CLSTN2: variants seen among roughly 807,000 people sequenced by gnomAD.
The protein encoded by CLSTN2 is calsyntenin 2.
Under a neutral mutation model 101.2 loss-of-function variants are expected in CLSTN2, and 48 were observed. The observed-to-expected ratio is 0.47, with a 90% confidence interval of 0.38 to 0.60. The LOEUF is 0.60. CLSTN2 is among the 20% of genes least tolerant of loss of function. The pLI is 0.00. For missense variants in CLSTN2, 1,160 were observed against 1,238.2 expected (o/e 0.94, Z 0.95); for synonymous variants, 481 against 463.6 (o/e 1.04, Z -0.48).
At chr3:140,555,097 A>G (rs113037814) in intron 10 of CLSTN2, among the ~76,000 whole-genome samples, 3,776 of 152,206 alleles carry the variant, frequency 0.025, 73 homozygotes, top group Non-Finnish European at 0.036. Flanking sequence ...TCTGATCCAT[A>G]CCTCCCTCAC....
At chr3:140,022,427 T>C (rs188610008) in intron 1 of CLSTN2, among the ~76,000 whole-genome samples, 1 of 152,306 alleles carries the variant, frequency 6.6e-6, no homozygotes, top group East Asian at 1.9e-4. Context: ...AGCCTGGGTC[T>C]GGAGATGGAG....
At chr3:140,503,942 G>A (rs1407724241) in intron 8 of CLSTN2, among the ~76,000 whole-genome samples, 2 of 152,132 alleles carry the variant, frequency 1.3e-5, no homozygotes, top group Non-Finnish European at 2.9e-5. Flanking sequence ...GGACCTTTGA[G>A]AGCCTGCCAT....
intron 6 of CLSTN2, among the ~76,000 whole-genome samples, chr3:140,458,380 A>C (rs1303168514): frequency 1.3e-5 from 2 of 152,022 alleles, no homozygotes; most frequent in African/African-American, 4.8e-5. Flanking sequence ...CTCAGGTCAC[A>C]CTTTAGACTC....
intron 2 of CLSTN2, among the ~76,000 whole-genome samples, chr3:140,355,341 G>A (rs968497469): frequency 6.6e-6 from 1 of 152,148 alleles, no homozygotes; most frequent in African/African-American, 2.4e-5. Context: ...AGTCATTTGA[G>A]TCTTGTTTTC....
chr3:139,945,289 G>A (rs1935198775), intron 1 of CLSTN2, among the ~76,000 whole-genome samples: 1 of 152,174 alleles, frequency 6.6e-6, no homozygotes, highest in South Asian at 2.1e-4. Flanking sequence ...CCCTCTGGGT[G>A]TGAGTCTCTA....
intron 1 of CLSTN2, among the ~76,000 whole-genome samples, chr3:140,146,304 T>C (rs1393980352): frequency 1.3e-5 from 2 of 152,238 alleles, no homozygotes; most frequent in Non-Finnish European, 2.9e-5. Flanking sequence ...TTAACTGTAG[T>C]TAAAATGCAG....
At chr3:140,561,159 ATATACT>A (rs1356690140) in intron 12 of CLSTN2, among the ~76,000 whole-genome samples, 2 of 152,102 alleles carry the variant, frequency 1.3e-5, no homozygotes, top group African/African-American at 4.8e-5. Flanking sequence ...AAATAAATAA[ATATACT>A]TATTTAAATT....
At chr3:140,536,207 T>C (rs924512584) in intron 9 of CLSTN2, among the ~76,000 whole-genome samples, 13 of 151,980 alleles carry the variant, frequency 8.6e-5, no homozygotes, top group African/African-American at 2.9e-4. Context: ...CTGGAGCTTG[T>C]ATTTTATTTT....
chr3:140,562,401 G>A, intron 13 of CLSTN2, 93 bp downstream of exon 13: 2 of 1,230,948 alleles, frequency 1.6e-6, no homozygotes, highest in Non-Finnish European at 2.2e-6. Flanking sequence ...CTGTGAAGGA[G>A]CACTGTGAAG....
At chr3:140,129,731 G>A (rs1245145190) in intron 1 of CLSTN2, among the ~76,000 whole-genome samples, 1 of 152,168 alleles carries the variant, frequency 6.6e-6, no homozygotes, top group Admixed American at 6.5e-5. Flanking sequence ...TAGTGTTCTT[G>A]AACTACTAAT....
rs369452576 is a variant in CLSTN2 at position 140,403,918 on chromosome 3, G to T, written c.428+94G>T. 8.5e-6 allele frequency: 9 copies of T among 1,054,606 alleles called. No homozygotes were observed. The African/African-American group carries it at 9.7e-5, about 11-fold the overall frequency. The allele number at this position is 1,054,606 out of a possible 1,614,324, so 65.3% of individuals were successfully genotyped here. ...GCTCTTCAGATATGTTTACCCTCTT[G>T]TCACACAATGGTGCTCCAACTTTGC... On this transcript the variant is annotated intron_variant, in intron 3 of 16. Coordinates refer to ENST00000458420, the MANE Select transcript of CLSTN2 (RefSeq NM_022131.3).
chr3:140,355,241 G>T (rs1278108762), intron 2 of CLSTN2, among the ~76,000 whole-genome samples: 1 of 152,096 alleles, frequency 6.6e-6, no homozygotes, highest in Non-Finnish European at 1.5e-5. Flanking sequence ...TCAATTTTTT[G>T]AACCTAAATA....
intron 1 of CLSTN2, among the ~76,000 whole-genome samples, chr3:140,089,620 A>C (rs1171417199): frequency 7.6e-6 from 1 of 131,112 alleles, no homozygotes; most frequent in Admixed American, 8.5e-5. Context: ...TTATTTATTT[A>C]TTTATTTTTG....
chr3:140,378,811 A>G (rs1482732557), intron 2 of CLSTN2, among the ~76,000 whole-genome samples: 1 of 152,186 alleles, frequency 6.6e-6, no homozygotes, highest in Non-Finnish European at 1.5e-5. Flanking sequence ...TGGTAAAAAT[A>G]GCTAGCTCTC....
At chr3:139,940,701 A>G (rs543347568) in intron 1 of CLSTN2, among the ~76,000 whole-genome samples, 34 of 152,164 alleles carry the variant, frequency 2.2e-4, no homozygotes, top group Non-Finnish European at 3.1e-4. Context: ...ATGCACATGC[A>G]TACACACGCA....
chr3:140,008,926 G>T (rs2007014929), intron 1 of CLSTN2, among the ~76,000 whole-genome samples: 3 of 152,170 alleles, frequency 2.0e-5, no homozygotes, highest in Admixed American at 2.0e-4. Flanking sequence ...TTGTTTTGCA[G>T]ACTTTCTCAA....
At chr3:140,224,374 C>T (rs1318784023) in intron 2 of CLSTN2, among the ~76,000 whole-genome samples, 1 of 152,106 alleles carries the variant, frequency 6.6e-6, no homozygotes, top group African/African-American at 2.4e-5. Context: ...AATAAATATT[C>T]TGGTTATTAT....
intron 2 of CLSTN2, among the ~76,000 whole-genome samples, chr3:140,387,019 C>T (rs1260764554): frequency 6.6e-6 from 1 of 152,200 alleles, no homozygotes; most frequent in Non-Finnish European, 1.5e-5. Flanking sequence ...GTCTTTTCTA[C>T]ACCCAACCAA....
intron 5 of CLSTN2, among the ~76,000 whole-genome samples, chr3:140,427,205 G>GTATA (rs1438970165): frequency 2.0e-4 from 16 of 78,898 alleles, no homozygotes; most frequent in African/African-American, 1.3e-3. Flanking sequence ...ATATATATAT[G>GTATA]TGTATATATA....
Sources: gnomAD v4.1 joint callset for allele counts (sites outside exome capture counted in the v4.1 genomes callset) on GRCh38, gnomAD v4.1.1 for gene constraint, MANE v1.5 for transcripts, NCBI Gene and HGNC (gene_info 2026-07-23, HGNC 2026-07-21) for gene names.